HECW1: variants seen among roughly 807,000 people sequenced by gnomAD.
HECW1 encodes E3 ubiquitin-protein ligase HECW1.
HECW1 carries 61 observed loss-of-function variants against 182.3 expected under a neutral mutation model. That is an observed-to-expected ratio of 0.33 (90% CI 0.27 to 0.41). The LOEUF (loss-of-function observed/expected upper bound fraction) is 0.41, where lower values mean the gene tolerates loss of function less well. Ranked by LOEUF, HECW1 falls within the 10% of genes least tolerant of loss-of-function variation. The pLI is 1.00. For missense variants in HECW1, 1,739 were observed against 2,108.9 expected, an observed-to-expected ratio of 0.82 and a Z score of 3.44; for synonymous variants, 859 against 832.6, an observed-to-expected ratio of 1.03 and a Z score of -0.55.
chr7:43,295,539 G>C (rs1411452106), intron 3 of HECW1, among the ~76,000 whole-genome samples: 1 of 152,132 alleles, frequency 6.6e-6, no homozygotes, highest in East Asian at 1.9e-4. Flanking sequence ...CTCCCCAGGG[G>C]GGCCTGGATC....
chr7:43,446,635 A>G (rs2077064613), intron 11 of HECW1, among the ~76,000 whole-genome samples: 1 of 150,918 alleles, frequency 6.6e-6, no homozygotes, highest in Non-Finnish European at 1.5e-5. Flanking sequence ...TTTTTTTTTT[A>G]ACAGGAGCTA....
chr7:43,198,508 A>G (rs111163408), intron 2 of HECW1, among the ~76,000 whole-genome samples: 15,242 of 150,424 alleles, frequency 0.1, 940 homozygotes, highest in African/African-American at 0.17. Flanking sequence ...CAAACACCAT[A>G]GTCACACACC....
intron 2 of HECW1, among the ~76,000 whole-genome samples, chr7:43,125,973 A>C (rs1786188928): frequency 6.6e-6 from 1 of 151,412 alleles, no homozygotes; most frequent in Non-Finnish European, 1.5e-5. Flanking sequence ...GAAAACCTCC[A>C]ACTGCCTTAA....
At chr7:43,561,174 C>T (rs1055806522) in intron 29 of HECW1, among the ~76,000 whole-genome samples, 1 of 152,210 alleles carries the variant, frequency 6.6e-6, no homozygotes, top group Non-Finnish European at 1.5e-5. Flanking sequence ...ACTGGCCATG[C>T]AGGAGGAAGC....
chr7:43,360,786 G>T, intron 5 of HECW1, 100 bp from the exon 6 acceptor site: 1 of 863,172 alleles, frequency 1.2e-6, no homozygotes, highest in Non-Finnish European at 2.0e-6. Context: ...TGCTCGTGGG[G>T]GAATTATGTT....
chr7:43,177,103 G>A (rs565992408), intron 2 of HECW1, among the ~76,000 whole-genome samples: 1 of 152,046 alleles, frequency 6.6e-6, no homozygotes, highest in South Asian at 2.1e-4. Flanking sequence ...ACATTTTTGC[G>A]ATTTGCATAT....
chr7:43,525,863 G>C (rs934805365), intron 24 of HECW1, among the ~76,000 whole-genome samples: 1 of 152,128 alleles, frequency 6.6e-6, no homozygotes, highest in African/African-American at 2.4e-5. Flanking sequence ...GAGAGGGGAG[G>C]CTTCCTACTT....
At chr7:43,526,984 ACT>A (rs2080783631) in intron 24 of HECW1, among the ~76,000 whole-genome samples, 1 of 152,062 alleles carries the variant, frequency 6.6e-6, no homozygotes, top group Non-Finnish European at 1.5e-5. Context: ...ACAGAGTGAG[ACT>A]CTGTCTCAAA....
intron 13 of HECW1, among the ~76,000 whole-genome samples, chr7:43,460,905 G>A (rs982745705): frequency 1.3e-5 from 2 of 152,136 alleles, no homozygotes; most frequent in East Asian, 1.9e-4. Context: ...AATAACCAAG[G>A]TCCAGCTGAG....
chr7:43,469,309 GGA>G (rs1216081773), intron 16 of HECW1, among the ~76,000 whole-genome samples: 1 of 152,128 alleles, frequency 6.6e-6, no homozygotes, highest in Non-Finnish European at 1.5e-5. Context: ...GTGCCTTACG[GGA>G]CATTAGCAGC....
rs191199986 is a variant in HECW1 at position 43,434,437 on chromosome 7, C to T, written c.802-3566C>T. 5.9e-5 allele frequency among the ~76,000 whole-genome samples: 9 copies of T among 152,306 alleles called. No homozygotes were observed. In the East Asian group the frequency reaches 1.7e-3, roughly 29 times the overall value. On this transcript the variant is annotated intron_variant, in intron 8 of 29. Transcript: ENST00000395891. ...TGGAGAGGTTGTGAATAACAGAGTC[C>T]AGAACTTGGATGTGCAGAGCTAGGA... is the stretch of plus-strand genomic sequence containing the variant.
Position 43,445,575 on chromosome 7 carries a change from GA to G in HECW1, c.2398+6del, listed in dbSNP as rs1435698983. 6.4e-7 allele frequency: 1 copy of G among 1,571,816 alleles called. No homozygotes were observed. Among genetic ancestry groups the G allele is most frequent in the South Asian group, 1.2e-5 (1 of 86,584 alleles). On this transcript the variant is annotated splice_donor_region_variant and intron_variant, in intron 11 of 29. Transcript: ENST00000395891. ...GTCCAAGCAATCGGAGAGAAGGTTAGACCTCAAACCTGATCAGAGTGAGAAT... is the reference window on the plus strand; with the variant it reads ...GTCCAAGCAATCGGAGAGAAGGTTAGCCTCAAACCTGATCAGAGTGAGAAT...
At chr7:43,451,031 G>C (rs186408058) in intron 12 of HECW1, 102 bp downstream of exon 12, 1 of 785,128 alleles carries the variant, frequency 1.3e-6, no homozygotes, top group Non-Finnish European at 2.2e-6. Flanking sequence ...TCCCGACTCC[G>C]TGCCTTACAG....
At chr7:43,457,859 T>G (rs2077455949) in intron 13 of HECW1, among the ~76,000 whole-genome samples, 1 of 152,198 alleles carries the variant, frequency 6.6e-6, no homozygotes, top group Non-Finnish European at 1.5e-5. Context: ...GGAGCATGCT[T>G]TAGGTGAAAA....
intron 24 of HECW1, among the ~76,000 whole-genome samples, chr7:43,526,910 CACT>C (rs1373284561): frequency 6.6e-6 from 1 of 152,126 alleles, no homozygotes; most frequent in Non-Finnish European, 1.5e-5. Flanking sequence ...GCGAGAGGAT[CACT>C]TAACCCAGGA....
chr7:43,500,083 C>T (rs1306949624), intron 19 of HECW1, among the ~76,000 whole-genome samples: 4 of 151,644 alleles, frequency 2.6e-5, no homozygotes, highest in Admixed American at 6.6e-5. Flanking sequence ...GCTTCCAACA[C>T]GACATGAGCC....
At chr7:43,547,707 G>C (rs920694320) in intron 26 of HECW1, among the ~76,000 whole-genome samples, 1 of 152,164 alleles carries the variant, frequency 6.6e-6, no homozygotes, top group African/African-American at 2.4e-5. Context: ...ATTTTGAAAA[G>C]ATGGGCAACC....
chr7:43,170,161 C>T (rs1191315548), intron 2 of HECW1, among the ~76,000 whole-genome samples: 3 of 152,160 alleles, frequency 2.0e-5, no homozygotes, highest in Non-Finnish European at 4.4e-5. Context: ...GAGCACGAAC[C>T]TTATTGTGGA....
intron 24 of HECW1, among the ~76,000 whole-genome samples, chr7:43,512,586 T>C (rs550140838): frequency 6.6e-6 from 1 of 152,322 alleles, no homozygotes; most frequent in Admixed American, 6.5e-5. Flanking sequence ...TAATAAAAAT[T>C]AGATGAATTT....
Sources: gnomAD v4.1 joint callset for allele counts (sites outside exome capture counted in the v4.1 genomes callset) on GRCh38, gnomAD v4.1.1 for gene constraint, MANE v1.5 for transcripts, NCBI Gene and HGNC (gene_info 2026-07-23, HGNC 2026-07-21) for gene names.